Variants in RASGEF1C observed in about 807,000 individuals in gnomAD.
RASGEF1C encodes the protein RasGEF domain family member 1C.
RASGEF1C carries 27 observed loss-of-function variants against 58.1 expected under a neutral mutation model. That is an observed-to-expected ratio of 0.46 (90% CI 0.34 to 0.64). The LOEUF is 0.64. Among genes scored for constraint, RASGEF1C ranks in the 30% least tolerant of loss-of-function variants. RASGEF1C has a pLI of 0.01. For synonymous variants in RASGEF1C, 243 were observed against 246.3 expected (o/e 0.99, Z 0.13); for missense variants, 502 against 605.1 (o/e 0.83, Z 1.79).
At chr5:180,185,179 C>G (rs1463768089) in intron 1 of RASGEF1C, among the ~76,000 whole-genome samples, 1 of 151,806 alleles carries the variant, frequency 6.6e-6, no homozygotes, top group Non-Finnish European at 1.5e-5. Flanking sequence ...GTAGTCCCAG[C>G]TACTTGGGAG....
Position 180,118,687 on chromosome 5 carries a change from C to G in RASGEF1C, c.1005G>C (p.Thr335=). The part of the protein sequence containing the change: ...FFILEHQMDP[T]GNFCNYRTAL... ...CTGTCCTGTAGTTGCAGAAATTCCC[C>G]GTTGGGTCCATCTGGTGCTGGAAGG... Residue 335 remains threonine, a synonymous_variant, in exon 10 of 14, where the codon ACG becomes ACC. Transcript: ENST00000361132. 6.2e-7 allele frequency: 1 copy of G among 1,614,176 alleles called. No individual in the cohort carries two copies. Among genetic ancestry groups the G allele is most frequent in the Non-Finnish European group, 8.5e-7 (1 of 1,180,022 alleles).
chr5:180,113,372 C>T lies in RASGEF1C; in HGVS notation c.1179+1074G>A, dbSNP rs1246393081. On this transcript the variant is annotated intron_variant, in intron 11 of 13. Coordinates refer to ENST00000361132, the MANE Select transcript of RASGEF1C (RefSeq NM_175062.4). ...GATGGACTGAGGGATCCGGGATGGA[C>T]GGAGGGACCGGGGATGGACGGAGGG... Among the ~76,000 whole-genome samples, 4 of 44,584 alleles carry T rather than the reference C, an allele frequency of 9.0e-5. 1 individual carries two copies. Among genetic ancestry groups the T allele is most frequent in the African/African-American group, 1.8e-4 (2 of 11,108 alleles). 29.2% of individuals were successfully genotyped at this position (44,584 alleles called of 152,430 possible).
intron 6 of RASGEF1C, among the ~76,000 whole-genome samples, chr5:180,124,298 C>T (rs1766221352): frequency 6.6e-6 from 1 of 151,678 alleles, no homozygotes; most frequent in South Asian, 2.1e-4. Flanking sequence ...CTACAAAATG[C>T]TCCAAGAACA....
chr5:180,131,276 A>G (rs1384800803), intron 4 of RASGEF1C, among the ~76,000 whole-genome samples: 1 of 152,184 alleles, frequency 6.6e-6, no homozygotes, highest in East Asian at 1.9e-4. Flanking sequence ...AGCTCTGGCC[A>G]GGCTTGGTGG....
intron 6 of RASGEF1C, among the ~76,000 whole-genome samples, chr5:180,123,155 G>T (rs1212686170): frequency 6.6e-6 from 1 of 152,194 alleles, no homozygotes; most frequent in Non-Finnish European, 1.5e-5. Context: ...TGATAAAAGG[G>T]TCAGCTCATC....
At chr5:180,174,614 GTGTC>G (rs1206050115) in intron 1 of RASGEF1C, among the ~76,000 whole-genome samples, 225 of 12,872 alleles carry the variant, frequency 0.017, 1 homozygote, top group South Asian at 0.092. Context: ...ACGCATGTGT[GTGTC>G]TGTGTGTGTG....
chr5:180,111,411 A>C (rs748512602), intron 12 of RASGEF1C, 46 bp downstream of exon 12: 1 of 1,613,242 alleles, frequency 6.2e-7, no homozygotes, highest in Non-Finnish European at 8.5e-7. Flanking sequence ...AGGCTACCCC[A>C]GAGTTCCGTG....
chr5:180,161,258 G>A (rs970508710), intron 1 of RASGEF1C, among the ~76,000 whole-genome samples: 8 of 152,276 alleles, frequency 5.3e-5, no homozygotes, highest in African/African-American at 1.2e-4. Flanking sequence ...AGGCCCTGAG[G>A]ACGTGGGCTG....
chr5:180,118,114 C>T (rs751723165), intron 10 of RASGEF1C, among the ~76,000 whole-genome samples: 11 of 151,818 alleles, frequency 7.2e-5, no homozygotes, highest in Non-Finnish European at 1.5e-4. Context: ...AAAAGTATTA[C>T]GTTTAGAATC....
chr5:180,141,217 G>A (rs1431053655), intron 1 of RASGEF1C, among the ~76,000 whole-genome samples: 2 of 152,202 alleles, frequency 1.3e-5, no homozygotes, highest in African/African-American at 4.8e-5. Context: ...TTCCATGGCA[G>A]GGCAGGGCTG....
chr5:180,191,408 G>A (rs1280932379), intron 1 of RASGEF1C, among the ~76,000 whole-genome samples: 1 of 151,894 alleles, frequency 6.6e-6, no homozygotes, highest in Non-Finnish European at 1.5e-5. Context: ...CCAGGCTGGA[G>A]TGCAGTGGCG....
chr5:180,190,354 G>T (rs561636079), intron 1 of RASGEF1C, among the ~76,000 whole-genome samples: 2 of 151,726 alleles, frequency 1.3e-5, no homozygotes, highest in African/African-American at 2.4e-5. Flanking sequence ...GCCGGGCGTG[G>T]TGGCGGGCGC....
intron 1 of RASGEF1C, among the ~76,000 whole-genome samples, chr5:180,166,363 TC>T (rs1470279780): frequency 6.6e-6 from 1 of 152,148 alleles, no homozygotes; most frequent in Non-Finnish European, 1.5e-5. Flanking sequence ...CTTCCTTCAT[TC>T]CCCATGTATG....
chr5:180,161,725 G>A (rs966618476), intron 1 of RASGEF1C, among the ~76,000 whole-genome samples: 4 of 152,256 alleles, frequency 2.6e-5, no homozygotes, highest in Admixed American at 1.3e-4. Flanking sequence ...TCTGCCGGGA[G>A]CCCCCTCCCT....
chr5:180,116,390 G>A (rs1298305604), intron 10 of RASGEF1C, among the ~76,000 whole-genome samples: 1 of 151,772 alleles, frequency 6.6e-6, no homozygotes. Context: ...CATCAACTCA[G>A]CTGGGGCACC....
intron 12 of RASGEF1C, among the ~76,000 whole-genome samples, chr5:180,104,228 C>T (rs575557714): frequency 3.3e-5 from 5 of 152,172 alleles, no homozygotes; most frequent in South Asian, 2.1e-4. Flanking sequence ...AACATAATCC[C>T]GAATGCAACA....
intron 1 of RASGEF1C, among the ~76,000 whole-genome samples, chr5:180,149,808 T>A (rs940955163): frequency 2.0e-5 from 3 of 152,236 alleles, no homozygotes; most frequent in African/African-American, 7.2e-5. Flanking sequence ...CAATATTCTC[T>A]ATTTGTTGTT....
intron 6 of RASGEF1C, among the ~76,000 whole-genome samples, chr5:180,121,988 GCACAAAGGCTGCTCTGTGCCT>G (rs1766184694): frequency 1.3e-5 from 2 of 152,122 alleles, no homozygotes; most frequent in African/African-American, 4.8e-5. Context: ...ATTCCCATGC[GCACAAAGGCTGCTCTGTGCCT>G]CACAGAGAAA....
rs372297909 is a variant in RASGEF1C at position 180,118,592 on chromosome 5, A to G, written c.1083+17T>C. 9.4e-6 allele frequency: 15 copies of G among 1,590,806 alleles called. 1 individual carries two copies. The highest frequency in any genetic ancestry group is 5.8e-5 in the South Asian group (5 of 86,800). On this transcript the variant is annotated intron_variant, in intron 10 of 13. Coordinates refer to ENST00000361132, the MANE Select transcript of RASGEF1C (RefSeq NM_175062.4). ...TCCCTGCTGCAGCCCCCCTGGGCCA[A>G]CGTGGCCCCGACCTACCTTCTCTCG... is the stretch of plus-strand genomic sequence containing the variant.
Sources: gnomAD v4.1 joint callset for allele counts (sites outside exome capture counted in the v4.1 genomes callset) on GRCh38, gnomAD v4.1.1 for gene constraint, MANE v1.5 for transcripts, NCBI Gene and HGNC (gene_info 2026-07-23, HGNC 2026-07-21) for gene names.